Variants in IL36RN observed in about 807,000 individuals in gnomAD.
IL36RN encodes the protein interleukin-36 receptor antagonist protein.
IL36RN carries 11 observed loss-of-function variants against 13.0 expected under a neutral mutation model. The ratio of observed to expected loss-of-function variants is 0.85; its 90% CI spans 0.53 to 1.40. The LOEUF (loss-of-function observed/expected upper bound fraction) is 1.40, where lower values mean the gene tolerates loss of function less well. Among genes scored for constraint, IL36RN ranks in the 40% most tolerant of loss-of-function variants. The pLI, the probability that IL36RN is intolerant of heterozygous loss-of-function variation, is 0.00. For synonymous variants in IL36RN, 94 were observed against 84.1 expected (o/e 1.12, Z -0.64); for missense variants, 195 against 195.3 (o/e 1.00, Z 0.01).
At chr2:113,061,264 T>C (rs918840901) in intron 3 of IL36RN, among the ~76,000 whole-genome samples, 1 of 152,228 alleles carries the variant, frequency 6.6e-6, no homozygotes, top group African/African-American at 2.4e-5. Context: ...AGAACTAACG[T>C]AGATTCTCTA....
At position 113,063,396 on chromosome 2, in the gene IL36RN, G is replaced by T. The variant is rs974000031; in HGVS notation, c.*719G>T. 2.0e-5 allele frequency: 3 copies of T among 152,218 alleles called. No individual in the cohort carries two copies. Among genetic ancestry groups the T allele is most frequent in the Non-Finnish European group, 2.9e-5 (2 of 68,216 alleles). 9.4% of individuals were successfully genotyped at this position (152,218 alleles called of 1,614,324 possible). A position where few individuals can be genotyped will look rare whatever the true frequency, so the allele number is the denominator to read the frequency against. On this transcript the variant is annotated 3_prime_UTR_variant, in exon 5 of 5. Coordinates refer to ENST00000393200, the MANE Select transcript of IL36RN (RefSeq NM_012275.3). ...TATTGAGAAGACCTACTTACAAAGT[G>T]GCATATATTGCAATTTATTTTAATT...
intron 3 of IL36RN, among the ~76,000 whole-genome samples, chr2:113,061,358 G>C (rs1685636463): frequency 6.6e-6 from 1 of 152,170 alleles, no homozygotes; most frequent in South Asian, 2.1e-4. Context: ...GTCACTTAGA[G>C]TGGAGGGACC....
Position 113,062,653 on chromosome 2 carries a change from C to G in IL36RN, c.444C>G (p.Asp148Glu). 1 of 1,612,276 alleles carries G rather than the reference C, an allele frequency of 6.2e-7. No individual in the cohort carries two copies. Among genetic ancestry groups the G allele is most frequent in the Non-Finnish European group, 8.5e-7 (1 of 1,180,006 alleles). The change falls in exon 5 of 5, where the codon GAC becomes GAG. Residue 148 changes from aspartate (D) to glutamate (E), a missense_variant. Coordinates refer to ENST00000393200, the MANE Select transcript of IL36RN (RefSeq NM_012275.3). ...GTGGCTGGAATGCCCCCATCACAGA[C>G]TTCTACTTCCAGCAGTGTGACTAGG... ...ENGGWNAPIT[D>E]FYFQQCD
intron 3 of IL36RN, 42 bp downstream of exon 3, chr2:113,060,979 ACT>A (rs756829366): frequency 6.9e-7 from 1 of 1,456,642 alleles, no homozygotes; most frequent in South Asian, 1.1e-5. Flanking sequence ...GTCTCTATAC[ACT>A]CTCAGGGGAG....
rs1685675728 is a variant in IL36RN at position 113,063,076 on chromosome 2, A to T, written c.*399A>T. On this transcript the variant is annotated 3_prime_UTR_variant, in exon 5 of 5. Coordinates refer to ENST00000393200, the MANE Select transcript of IL36RN (RefSeq NM_012275.3). ...ATAGGGTCAGTAGCTCTCCACATGA[A>T]GACCTGTCACTCACCACTATGCAGG... 2 of 347,716 alleles carry T rather than the reference A, an allele frequency of 5.8e-6. No individual in the cohort carries two copies. Among genetic ancestry groups the T allele is most frequent in the South Asian group, 4.6e-5 (2 of 43,614 alleles). 21.5% of individuals were successfully genotyped at this position (347,716 alleles called of 1,614,324 possible).
At chr2:113,059,269 G>C in intron 1 of IL36RN, 28 bp downstream of exon 1, 1 of 716,916 alleles carries the variant, frequency 1.4e-6, no homozygotes, top group Non-Finnish European at 2.5e-6. Flanking sequence ...GGTGGTACCG[G>C]AGCTCTCTCC....
At chr2:113,062,050 T>G (rs1685651725) in intron 3 of IL36RN, 74 bp from the exon 4 acceptor site, 26 of 1,568,932 alleles carry the variant, frequency 1.7e-5, no homozygotes, top group Non-Finnish European at 1.8e-5. Context: ...AGCAGTCCTG[T>G]GCCCTAGAGC....
At chr2:113,059,326 G>T in intron 1 of IL36RN, 85 bp downstream of exon 1, 1 of 1,174,984 alleles carries the variant, frequency 8.5e-7, no homozygotes, top group African/African-American at 1.5e-5. Context: ...TCACATGCTG[G>T]GGAGCTCGGT....
In IL36RN at chr2:113,062,240, C is replaced by G; in HGVS notation, c.232C>G (p.Leu78Val). The G allele has an allele frequency of 6.2e-7, 1 of 1,614,054 alleles. No homozygotes were observed. The highest frequency in any genetic ancestry group is 8.5e-7 in the Non-Finnish European group (1 of 1,179,974). Residue 78 changes from leucine (L) to valine (V), a missense_variant, in exon 4 of 5, where the codon CTA (leucine) becomes GTA (valine). Transcript: ENST00000393200. Reference protein sequence around the residue: ...LSCGVGQEPTLTLEPVNIMEL... With the variant: ...LSCGVGQEPTVTLEPVNIMEL... ...ATGTGGGGTGGGGCAGGAGCCGACT[C>G]TAACACTAGAGGTGAGACTTGGGGC...
At chr2:113,060,756 C>A in intron 2 of IL36RN, 96 bp from the exon 3 acceptor site, 1 of 851,952 alleles carries the variant, frequency 1.2e-6, no homozygotes. Context: ...GAAAGAGAGA[C>A]AAAATGCCTG....
chr2:113,062,831 G>C lies in IL36RN; in HGVS notation c.*154G>C. The C allele has an allele frequency of 1.4e-6, 1 of 725,728 alleles. No individual in the cohort carries two copies. The highest frequency in any genetic ancestry group is 2.7e-5 in the East Asian group (1 of 37,144). 45.0% of individuals were successfully genotyped at this position (725,728 alleles called of 1,614,324 possible). On this transcript the variant is annotated 3_prime_UTR_variant, in exon 5 of 5. Coordinates refer to ENST00000393200, the MANE Select transcript of IL36RN (RefSeq NM_012275.3). Reference sequence around the variant, plus strand: ...CACTTTGTCTTCTGGTTCCCAGTTTGGATAAATTCTGAGATTTGGAGCTCA... The same window carrying C: ...CACTTTGTCTTCTGGTTCCCAGTTTCGATAAATTCTGAGATTTGGAGCTCA...
chr2:113,059,347 G>C, intron 1 of IL36RN, 65 bp from the exon 2 acceptor site: 1 of 1,428,402 alleles, frequency 7.0e-7, no homozygotes, highest in African/African-American at 1.4e-5. Context: ...GCAGCTGCTT[G>C]CTCCCCAGAC....
In IL36RN at chr2:113,062,987, C is replaced by T. The variant is rs1306246839; in HGVS notation, c.*310C>T. ...GGGGGAGTGGTGGGAATCATTCCTG[C>T]TTAATGGTAACTGACCAGTGTTACC... On this transcript the variant is annotated 3_prime_UTR_variant, in exon 5 of 5. Transcript: ENST00000393200. 1.0e-5 allele frequency: 4 copies of T among 401,748 alleles called. No homozygotes were observed. Among genetic ancestry groups the T allele is most frequent in the African/African-American group, 4.1e-5 (2 of 48,484 alleles). The allele number at this position is 401,748 out of a possible 1,614,324, so 24.9% of individuals were successfully genotyped here. A position where few individuals can be genotyped will look rare whatever the true frequency, so the allele number is the denominator to read the frequency against.
chr2:113,062,439 T>G lies in IL36RN; in HGVS notation c.244-14T>G, dbSNP rs1685661426. ...GCTTCTGCCCTCACCTGACCTCCCC[T>G]CCTCTGCCGGCAGCCAGTGAACATC... On this transcript the variant is annotated splice_polypyrimidine_tract_variant and intron_variant, in intron 4 of 4. Transcript: ENST00000393200. The G allele has an allele frequency of 6.2e-7, 1 of 1,613,658 alleles. No individual in the cohort carries two copies. The highest frequency in any genetic ancestry group is 8.5e-7 in the Non-Finnish European group (1 of 1,179,930).
chr2:113,063,004 AGT>A lies in IL36RN; in HGVS notation c.*330_*331del. On this transcript the variant is annotated 3_prime_UTR_variant, in exon 5 of 5. Transcript: ENST00000393200. ...CATTCCTGCTTAATGGTAACTGACC[AGT>A]GTTACCCTGAGCCCCGCAGGCCAAC... 2.6e-6 allele frequency: 1 copy of A among 388,224 alleles called. No homozygotes were observed. The highest frequency in any genetic ancestry group is 2.1e-5 in the South Asian group (1 of 47,750). The allele number at this position is 388,224 out of a possible 1,614,324, so 24.0% of individuals were successfully genotyped here. A position where few individuals can be genotyped will look rare whatever the true frequency, so the allele number is the denominator to read the frequency against.
At chr2:113,061,621 C>T (rs1685641163) in intron 3 of IL36RN, among the ~76,000 whole-genome samples, 1 of 151,834 alleles carries the variant, frequency 6.6e-6, no homozygotes, top group Non-Finnish European at 1.5e-5. Context: ...TGTGTGAGTG[C>T]AGGTATGTAG....
Position 113,062,745 on chromosome 2 carries a change from T to A in IL36RN, c.*68T>A. The A allele has an allele frequency of 7.3e-7, 1 of 1,360,830 alleles. No individual in the cohort carries two copies. The highest frequency in any genetic ancestry group is 1.0e-6 in the Non-Finnish European group (1 of 976,204). The allele number at this position is 1,360,830 out of a possible 1,614,324, so 84.3% of individuals were successfully genotyped here. On this transcript the variant is annotated 3_prime_UTR_variant, in exon 5 of 5. Coordinates refer to ENST00000393200, the MANE Select transcript of IL36RN (RefSeq NM_012275.3). Reference sequence around the variant, plus strand: ...GTGAGGGGTGAGTGGAGGAGACCCATGGCGGACAATCACTCTCTCTGCTCT... The same window carrying A: ...GTGAGGGGTGAGTGGAGGAGACCCAAGGCGGACAATCACTCTCTCTGCTCT...
chr2:113,062,265 C>T lies in IL36RN; in HGVS notation c.243+14C>T. 1.2e-6 allele frequency: 2 copies of T among 1,613,810 alleles called. No individual in the cohort carries two copies. Among genetic ancestry groups the T allele is most frequent in the Non-Finnish European group, 8.5e-7 (1 of 1,179,840 alleles). On this transcript the variant is annotated intron_variant, in intron 4 of 4. Transcript: ENST00000393200. ...CTAACACTAGAGGTGAGACTTGGGG[C>T]ATCCTCACTGGGGACTCAGCCACAG...
Position 113,063,190 on chromosome 2 carries a change from C to A in IL36RN, c.*513C>A, listed in dbSNP as rs565298108. On this transcript the variant is annotated 3_prime_UTR_variant, in exon 5 of 5. Transcript: ENST00000393200. ...TAATCCTGCCACTGTCATATGCTAC[C>A]TTTCCTATCTCTTCCCTCATCATCT... is the stretch of plus-strand genomic sequence containing the variant. The A allele has an allele frequency of 2.1e-5, 4 of 192,630 alleles. No individual in the cohort carries two copies. In the South Asian group the frequency reaches 4.3e-4, roughly 21 times the overall value. 11.9% of individuals were successfully genotyped at this position (192,630 alleles called of 1,614,324 possible). A position where few individuals can be genotyped will look rare whatever the true frequency, so the allele number is the denominator to read the frequency against.
Sources: allele counts gnomAD v4.1 joint callset (sites outside exome capture counted in the v4.1 genomes callset), GRCh38; gene constraint gnomAD v4.1.1; transcripts MANE v1.5; gene names NCBI Gene and HGNC (gene_info 2026-07-23, HGNC 2026-07-21).